EPN2: variants seen among roughly 807,000 people sequenced by gnomAD.
The protein encoded by EPN2 is epsin-2.
Under a neutral mutation model 61.7 loss-of-function variants are expected in EPN2, and 34 were observed. The ratio of observed to expected loss-of-function variants is 0.55; its 90% CI spans 0.42 to 0.73. EPN2 has a LOEUF of 0.73. Ranked by LOEUF, EPN2 falls within the 30% of genes least tolerant of loss-of-function variation. The pLI, the probability that EPN2 is intolerant of heterozygous loss-of-function variation, is 0.00. For missense variants in EPN2, 714 were observed against 839.2 expected, an observed-to-expected ratio of 0.85 and a Z score of 1.84; for synonymous variants, 349 against 353.6, an observed-to-expected ratio of 0.99 and a Z score of 0.15.
At position 19,283,849 on chromosome 17, in the gene EPN2, GCC is replaced by G; in HGVS notation, c.595+137_595+138del. ...TGTCCTCAGTACCCAGCTTTTGGTG[GCC>G]CAGGCAAATTGTCCTTGGTCTGGAT... On this transcript the variant is annotated intron_variant, in intron 3 of 10. Coordinates refer to ENST00000314728, the MANE Select transcript of EPN2 (RefSeq NM_014964.5). This position sits in a 1 kb window ranked among gnomAD's most constrained non-coding sequence, Gnocchi z 7.0. 3.0e-6 allele frequency: 2 copies of G among 671,318 alleles called. 1 individual carries two copies. The highest frequency in any genetic ancestry group is 8.3e-4 in the Middle Eastern group (2 of 2,416). 41.6% of individuals were successfully genotyped at this position (671,318 alleles called of 1,614,324 possible).
At chr17:19,266,424 A>G (rs1393348821) in intron 1 of EPN2, among the ~76,000 whole-genome samples, 3 of 149,138 alleles carry the variant, frequency 2.0e-5, no homozygotes, top group Non-Finnish European at 4.4e-5. Flanking sequence ...TTTTTTTGAG[A>G]CGGAGTCTCG....
chr17:19,330,961 G>T (rs921919469), intron 9 of EPN2, among the ~76,000 whole-genome samples: 1 of 152,148 alleles, frequency 6.6e-6, no homozygotes, highest in East Asian at 1.9e-4. Flanking sequence ...TTGATCGATC[G>T]CCCAGGCTGG....
intron 7 of EPN2, among the ~76,000 whole-genome samples, chr17:19,322,379 CCT>C (rs1395891362): frequency 6.6e-6 from 1 of 152,188 alleles, no homozygotes; most frequent in African/African-American, 2.4e-5. Context: ...GCACTCTCCT[CCT>C]CTCCCTCCTA....
At chr17:19,290,343 C>T (rs1017127485) in intron 4 of EPN2, among the ~76,000 whole-genome samples, 1 of 152,188 alleles carries the variant, frequency 6.6e-6, no homozygotes, top group African/African-American at 2.4e-5. Flanking sequence ...CAGAACTGGC[C>T]ACAGTGTCAA....
intron 1 of EPN2, among the ~76,000 whole-genome samples, chr17:19,247,524 G>T (rs929867949): frequency 6.6e-6 from 1 of 152,204 alleles, no homozygotes; most frequent in African/African-American, 2.4e-5. Context: ...AGGTATTTCG[G>T]ATCTCAGGAA....
rs532292786 is a variant in EPN2 at position 19,294,205 on chromosome 17, C to T, written c.766+8415C>T. Among the ~76,000 whole-genome samples, 17 of 150,368 alleles carry T rather than the reference C, an allele frequency of 1.1e-4. 1 individual carries two copies. The highest frequency in any genetic ancestry group is 9.9e-4 in the Admixed American group (15 of 15,084). Reference sequence around the variant, plus strand: ...GGCTGAAGCAGGTGAATTGCTTGAGCTTAGGAGTTTGAGACCAGCCTGGAC... The same window carrying T: ...GGCTGAAGCAGGTGAATTGCTTGAGTTTAGGAGTTTGAGACCAGCCTGGAC... On this transcript the variant is annotated intron_variant, in intron 4 of 10. Coordinates refer to ENST00000314728, the MANE Select transcript of EPN2 (RefSeq NM_014964.5).
In EPN2 at chr17:19,285,080, C is replaced by T. The variant is rs2152218179; in HGVS notation, c.596-540C>T. Reference sequence around the variant, plus strand: ...TTTCTCTCAAGGATCCTCTTACCAACCCCCAGAGAGGCTCTCTTTGGATTG... The same window carrying T: ...TTTCTCTCAAGGATCCTCTTACCAATCCCCAGAGAGGCTCTCTTTGGATTG... On this transcript the variant is annotated intron_variant, in intron 3 of 10. Coordinates refer to ENST00000314728, the MANE Select transcript of EPN2 (RefSeq NM_014964.5). This position sits in a 1 kb window ranked among gnomAD's most constrained non-coding sequence, Gnocchi z 4.5. 6.6e-6 allele frequency among the ~76,000 whole-genome samples: 1 copy of T among 152,348 alleles called. No homozygotes were observed.
At position 19,285,721 on chromosome 17, in the gene EPN2, C is replaced by G; in HGVS notation, c.697C>G (p.Leu233Val). The stretch of plus-strand genomic sequence containing the variant: ...CCAGCGCCACCCCTTCCTGCCGCAC[C>G]TGGGGCTGGCCTCCCGCCCAAATGG... ...LSQRHPFLPHLGLASRPNGDW... is the reference protein window; with the variant it reads ...LSQRHPFLPHVGLASRPNGDW... Residue 233 changes from leucine (L) to valine (V), a missense_variant, in exon 4 of 11, where the codon CTG becomes GTG. Leu to Val is a conservative substitution (Grantham distance 32). Coordinates refer to ENST00000314728, the MANE Select transcript of EPN2 (RefSeq NM_014964.5). This position sits in a 1 kb window ranked among gnomAD's most constrained non-coding sequence, Gnocchi z 4.5. 1 of 1,606,734 alleles carries G rather than the reference C, an allele frequency of 6.2e-7. No individual in the cohort carries two copies. The highest frequency in any genetic ancestry group is 8.5e-7 in the Non-Finnish European group (1 of 1,177,836).
At chr17:19,305,417 C>T (rs890337093) in intron 4 of EPN2, among the ~76,000 whole-genome samples, 1 of 152,144 alleles carries the variant, frequency 6.6e-6, no homozygotes, top group Non-Finnish European at 1.5e-5. Flanking sequence ...CATGAGCCAC[C>T]ATGCCTAGCC....
intron 4 of EPN2, among the ~76,000 whole-genome samples, chr17:19,288,812 CTT>C (rs896859788): frequency 6.6e-6 from 1 of 152,240 alleles, no homozygotes; most frequent in South Asian, 2.1e-4. Context: ...TTTTGAAACA[CTT>C]TCACTGTGCT....
At chr17:19,250,153 A>T (rs1472344597) in intron 1 of EPN2, among the ~76,000 whole-genome samples, 1 of 150,898 alleles carries the variant, frequency 6.6e-6, no homozygotes, top group African/African-American at 2.4e-5. Flanking sequence ...GAGTGCAGTG[A>T]TGCCTATCTC....
At chr17:19,251,340 A>C (rs1451449179) in intron 1 of EPN2, among the ~76,000 whole-genome samples, 1 of 152,136 alleles carries the variant, frequency 6.6e-6, no homozygotes, top group Admixed American at 6.6e-5. Context: ...TTCAGCTCCC[A>C]AGCCTGGAGG....
Position 19,253,700 on chromosome 17 carries a change from A to G in EPN2, c.-294+16169A>G, listed in dbSNP as rs79604311. 6.5e-3 allele frequency among the ~76,000 whole-genome samples: 994 copies of G among 152,280 alleles called. 54 individuals carry two copies. In the East Asian group the frequency reaches 0.12, roughly 18 times the overall value. On this transcript the variant is annotated intron_variant, in intron 1 of 10. Coordinates refer to ENST00000314728, the MANE Select transcript of EPN2 (RefSeq NM_014964.5). ...AGGTGTGAGCCACTGTGCCTGGCCA[A>G]TAGTTGCCATTTTAATTTAACTTGT...
intron 1 of EPN2, among the ~76,000 whole-genome samples, chr17:19,269,493 G>A (rs1430232089): frequency 3.3e-5 from 5 of 152,166 alleles, no homozygotes; most frequent in African/African-American, 1.2e-4. Context: ...AGCCAAAGAG[G>A]CATCATTTCT....
In EPN2 at chr17:19,290,720, A is replaced by AAAAAAAAG. The variant is rs1555600084; in HGVS notation, c.766+4935_766+4936insAAGAAAAA. Among the ~76,000 whole-genome samples, 27 of 105,566 alleles carry AAAAAAAAG rather than the reference A, an allele frequency of 2.6e-4. 5 individuals carry two copies. Among genetic ancestry groups the AAAAAAAAG allele is most frequent in the African/African-American group, 4.1e-4 (11 of 27,128 alleles). The allele number at this position is 105,566 out of a possible 152,430, so 69.3% of individuals were successfully genotyped here. On this transcript the variant is annotated intron_variant, in intron 4 of 10. Coordinates refer to ENST00000314728, the MANE Select transcript of EPN2 (RefSeq NM_014964.5). ...GTTCTCAAAAAAAAAAAAAAAGAAA[A>AAAAAAAAG]AAAAAGAAAAAGGAAGGCAGGCAGA...
chr17:19,325,545 A>G (rs1906827110), intron 7 of EPN2, among the ~76,000 whole-genome samples: 1 of 152,264 alleles, frequency 6.6e-6, no homozygotes, highest in Admixed American at 6.5e-5. Flanking sequence ...TCCAAATTCT[A>G]GCAAACTTGG....
intron 4 of EPN2, among the ~76,000 whole-genome samples, chr17:19,307,739 G>A (rs1905919879): frequency 6.6e-6 from 1 of 152,230 alleles, no homozygotes; most frequent in Non-Finnish European, 1.5e-5. Context: ...TGGTAGAGAA[G>A]TTCCCAGTCT....
intron 1 of EPN2, chr17:19,249,295 T>G (rs1468442153): frequency 1.3e-5 from 2 of 152,258 alleles, no homozygotes; most frequent in Non-Finnish European, 2.9e-5. Flanking sequence ...GCTGGCACCC[T>G]GAGGGTGGCT....
intron 5 of EPN2, among the ~76,000 whole-genome samples, chr17:19,310,571 C>CTTTTTTTTTTTTTTTTTTTTTTTTTTTTT (rs71155391): frequency 2.5e-5 from 2 of 80,912 alleles, no homozygotes; most frequent in Admixed American, 1.9e-4. Flanking sequence ...CTCCTTCTTT[C>CTTTTTTTTTTTTTTTTTTTTTTTTTTTTT]TTTTTTTTTT....
Sources: gnomAD v4.1 joint callset for allele counts (sites outside exome capture counted in the v4.1 genomes callset) on GRCh38, gnomAD v4.1.1 for gene constraint, Gnocchi (gnomAD v3.1) non-coding constraint, MANE v1.5 for transcripts, NCBI Gene and HGNC (gene_info 2026-07-23, HGNC 2026-07-21) for gene names.